FUT8: variants seen among roughly 807,000 people sequenced by gnomAD.
FUT8 encodes fucosyltransferase 8, also known as alpha-(1,6)-fucosyltransferase.
In FUT8, 29 loss-of-function variants were observed where a neutral mutation model predicts 71.3. That is an observed-to-expected ratio of 0.41 (90% CI 0.30 to 0.55). The LOEUF is 0.55. Among genes scored for constraint, FUT8 ranks in the 20% least tolerant of loss-of-function variants. FUT8 has a pLI of 0.34. For missense variants in FUT8, 544 were observed against 702.1 expected (o/e 0.77, Z 2.55); for synonymous variants, 254 against 239.3 (o/e 1.06, Z -0.57).
At chr14:65,514,837 A>T (rs983843192) in intron 2 of FUT8, among the ~76,000 whole-genome samples, 1 of 152,138 alleles carries the variant, frequency 6.6e-6, no homozygotes, top group Non-Finnish European at 1.5e-5. Flanking sequence ...TCTTTACCTC[A>T]GTTTTCTCCT....
At chr14:65,618,038 T>TAC (rs1487803706) in intron 5 of FUT8, among the ~76,000 whole-genome samples, 14 of 126,058 alleles carry the variant, frequency 1.1e-4, no homozygotes, top group Non-Finnish European at 2.2e-4. Flanking sequence ...TATATATATA[T>TAC]ATATATATAT....
chr14:65,476,403 T>C (rs2066240035), intron 2 of FUT8, among the ~76,000 whole-genome samples: 3 of 152,204 alleles, frequency 2.0e-5, no homozygotes, highest in African/African-American at 4.8e-5. Flanking sequence ...ATCTAAAAGA[T>C]TGAATTTGAT....
chr14:65,383,411 A>C, the FUT8 span, among the ~76,000 whole-genome samples: 1 of 151,742 alleles, frequency 6.6e-6, no homozygotes, highest in East Asian at 1.9e-4. Flanking sequence ...CGTGGCTGGA[A>C]CTACAGGCAT....
At chr14:65,626,761 T>C (rs1439118600) in intron 5 of FUT8, among the ~76,000 whole-genome samples, 2 of 152,256 alleles carry the variant, frequency 1.3e-5, no homozygotes, top group Non-Finnish European at 2.9e-5. Flanking sequence ...TAATGCTTTA[T>C]GTTTTTAGTT....
chr14:65,520,740 A>C (rs1040715711), intron 2 of FUT8, among the ~76,000 whole-genome samples: 1 of 152,122 alleles, frequency 6.6e-6, no homozygotes, highest in Middle Eastern at 3.2e-3. Context: ...ATATTATTTA[A>C]AAAGGTTAAC....
chr14:65,368,080 G>C, the FUT8 span, among the ~76,000 whole-genome samples: 3 of 127,358 alleles, frequency 2.4e-5, no homozygotes, highest in Non-Finnish European at 4.7e-5. Flanking sequence ...TTGAGACGGA[G>C]TCTCACTCTG....
At chr14:65,685,196 GGAGTAT>G (rs1209005169) in intron 7 of FUT8, among the ~76,000 whole-genome samples, 1 of 152,092 alleles carries the variant, frequency 6.6e-6, no homozygotes, top group Non-Finnish European at 1.5e-5. Flanking sequence ...TTTTATCAAT[GGAGTAT>G]GAGACAGCAT....
rs375040693 is a variant in FUT8, at chr14:65,498,118, C to T, written c.-228+42400C>T. 1.4e-4 allele frequency among the ~76,000 whole-genome samples: 21 copies of T among 152,254 alleles called. No homozygotes were observed. The South Asian group carries it at 1.4e-3, about 11-fold the overall frequency. On this transcript the variant is annotated intron_variant, in intron 2 of 10. Coordinates refer to ENST00000673929, the MANE Select transcript of FUT8 (RefSeq NM_001371533.1). ...CTACTATTGCTTTGCTCCCTAAGAA[C>T]GCTCTTTTAGATTTTATCTGTCTAT...
the FUT8 span, among the ~76,000 whole-genome samples, chr14:65,383,027 C>T: frequency 6.6e-6 from 1 of 152,048 alleles, no homozygotes; most frequent in Non-Finnish European, 1.5e-5. Flanking sequence ...CTTTCTCTTA[C>T]TTAGTTGCCA....
At chr14:65,658,198 G>C (rs1891782634) in intron 6 of FUT8, among the ~76,000 whole-genome samples, 2 of 152,000 alleles carry the variant, frequency 1.3e-5, no homozygotes, top group African/African-American at 4.8e-5. Context: ...TGACAAATAA[G>C]CACATGAAAA....
chr14:65,430,439 A>G (rs375648270), intron 1 of FUT8: 5 of 152,324 alleles, frequency 3.3e-5, no homozygotes, highest in East Asian at 1.9e-4. Context: ...AAAAATGTCA[A>G]TGTAAATGAA....
At chr14:65,616,736 A>T (rs936426860) in intron 5 of FUT8, among the ~76,000 whole-genome samples, 2 of 152,214 alleles carry the variant, frequency 1.3e-5, no homozygotes, top group Admixed American at 6.5e-5. Context: ...ATTGGAACTC[A>T]TAGTGAGTCC....
intron 1 of FUT8, among the ~76,000 whole-genome samples, chr14:65,414,032 G>C (rs1303707308): frequency 6.6e-6 from 1 of 152,148 alleles, no homozygotes; most frequent in Non-Finnish European, 1.5e-5. Context: ...TGAGGCCTTG[G>C]TTAAAGGCAC....
At chr14:65,536,509 T>C (rs1412032198) in intron 2 of FUT8, among the ~76,000 whole-genome samples, 2 of 152,324 alleles carry the variant, frequency 1.3e-5, no homozygotes, top group African/African-American at 2.4e-5. Flanking sequence ...CCTTCACTTA[T>C]GAAGTTTAGT....
intron 6 of FUT8, among the ~76,000 whole-genome samples, chr14:65,664,029 A>G (rs1892092172): frequency 6.6e-6 from 1 of 152,108 alleles, no homozygotes; most frequent in Admixed American, 6.6e-5. Context: ...TGTTAGGTAT[A>G]TGGGGATTCT....
At chr14:65,469,137 C>T (rs937400065) in intron 2 of FUT8, among the ~76,000 whole-genome samples, 6 of 152,056 alleles carry the variant, frequency 3.9e-5, no homozygotes, top group African/African-American at 1.4e-4. Flanking sequence ...CTGTGAATCA[C>T]CACTGTACTC....
chr14:65,574,587 T>C lies in FUT8; in HGVS notation c.203+12821T>C, dbSNP rs1363983957. Among the ~76,000 whole-genome samples the C allele has an allele frequency of 6.6e-6, 1 of 152,138 alleles. No individual in the cohort carries two copies. Among genetic ancestry groups the C allele is most frequent in the Non-Finnish European group, 1.5e-5 (1 of 68,028 alleles). On this transcript the variant is annotated intron_variant, in intron 3 of 10. Coordinates refer to ENST00000673929, the MANE Select transcript of FUT8 (RefSeq NM_001371533.1). This position sits in a 1 kb window ranked among gnomAD's most constrained non-coding sequence, Gnocchi z 5.2. ...AAAACCAGCAAGAGCTCAAAGAGTC[T>C]GACTCTAGGTATTATAGAATAATAT... is the stretch of plus-strand genomic sequence containing the variant.
Position 65,468,778 on chromosome 14 carries a change from C to A in FUT8, c.-228+13060C>A, listed in dbSNP as rs575471948. Among the ~76,000 whole-genome samples the A allele has an allele frequency of 4.6e-4, 70 of 152,114 alleles. No homozygotes were observed. The South Asian group carries it at 0.014, about 30-fold the overall frequency. On this transcript the variant is annotated intron_variant, in intron 2 of 10. Coordinates refer to ENST00000673929, the MANE Select transcript of FUT8 (RefSeq NM_001371533.1). ...ACTCCCCTTCCTCGCCTCCCCTCTT[C>A]ACTGTTTTTTCCTTCTCTTTACTCT...
intron 2 of FUT8, among the ~76,000 whole-genome samples, chr14:65,539,320 C>G (rs1451186626): frequency 6.6e-6 from 1 of 152,192 alleles, no homozygotes; most frequent in Non-Finnish European, 1.5e-5. Flanking sequence ...GTAATAATCC[C>G]TTGGTCAGCC....
Sources: allele counts gnomAD v4.1 joint callset (sites outside exome capture counted in the v4.1 genomes callset), GRCh38; gene constraint gnomAD v4.1.1; non-coding constraint Gnocchi (gnomAD v3.1); transcripts MANE v1.5; gene names NCBI Gene and HGNC (gene_info 2026-07-23, HGNC 2026-07-21).